Variants in FRMPD4 observed in about 807,000 individuals in gnomAD.
FRMPD4 encodes the protein FERM and PDZ domain-containing protein 4.
A neutral mutation model predicts 94.1 loss-of-function variants in FRMPD4; 22 were observed. The observed-to-expected ratio is 0.23, with a 90% CI of 0.17 to 0.33. The LOEUF (loss-of-function observed/expected upper bound fraction) is 0.33, where lower values mean the gene tolerates loss of function less well. FRMPD4 is among the 10% of genes least tolerant of loss of function. The probability of loss-of-function intolerance (pLI) is 1.00; values close to 1 mark genes in which losing one functional copy is unlikely to be tolerated. For missense variants in FRMPD4, 1,111 were observed against 1,339.9 expected (o/e 0.83, Z 2.67); for synonymous variants, 631 against 548.6 (o/e 1.15, Z -2.10).
intron 1 of FRMPD4, among the ~76,000 whole-genome samples, chrX:12,185,324 C>T (rs758716227): frequency 9.0e-6 from 1 of 111,655 alleles, no homozygotes; most frequent in Non-Finnish European, 1.9e-5. Context: ...TTATTGACCA[C>T]GGGTGAACAA....
intron 4 of FRMPD4, among the ~76,000 whole-genome samples, chrX:12,615,644 A>G: frequency 9.0e-6 from 1 of 111,082 alleles, no homozygotes; most frequent in East Asian, 2.8e-4. Context: ...GAATAAGGAG[A>G]CATGACATTT....
At chrX:11,950,769 A>T (rs1056369240) in intron 3 of FRMPD4, among the ~76,000 whole-genome samples, 53 of 111,629 alleles carry the variant, frequency 4.7e-4, no homozygotes, top group African/African-American at 1.7e-3. Flanking sequence ...TATTATTAAA[A>T]AGTCAAGGCT....
At chrX:12,429,839 G>T (rs1162580745) in intron 1 of FRMPD4, among the ~76,000 whole-genome samples, 1 of 111,946 alleles carries the variant, frequency 8.9e-6, no homozygotes, top group Non-Finnish European at 1.9e-5. Flanking sequence ...TCATGAATGA[G>T]ATTAAGGCCC....
chrX:12,325,997 A>G (rs775876585), intron 1 of FRMPD4, among the ~76,000 whole-genome samples: 11 of 112,202 alleles, frequency 9.8e-5, no homozygotes, highest in South Asian at 3.7e-4. Flanking sequence ...TGGCCCACCA[A>G]TAATTTTCAC....
intron 1 of FRMPD4, among the ~76,000 whole-genome samples, chrX:12,490,173 C>G (rs1266802449): frequency 9.0e-6 from 1 of 110,959 alleles, no homozygotes; most frequent in Admixed American, 9.6e-5. Flanking sequence ...GACCATGGAA[C>G]CTTGCAAAAT....
chrX:12,265,559 A>T (rs1489845669), intron 1 of FRMPD4, among the ~76,000 whole-genome samples: 1 of 111,767 alleles, frequency 8.9e-6, no homozygotes, highest in Non-Finnish European at 1.9e-5. Flanking sequence ...CCCTTGGGGA[A>T]ATTTTCTCAG....
chrX:12,175,935 T>G (rs6640927), intron 1 of FRMPD4, among the ~76,000 whole-genome samples: 8,581 of 111,330 alleles, frequency 0.077, 916 homozygotes, highest in East Asian at 0.61. Flanking sequence ...GAGGAGTATT[T>G]AAGAATACAG....
chrX:11,946,146 G>C (rs1015548048), intron 3 of FRMPD4, among the ~76,000 whole-genome samples: 1 of 111,992 alleles, frequency 8.9e-6, no homozygotes, highest in African/African-American at 3.2e-5. Flanking sequence ...AAACTCATTT[G>C]CCTTTAAGAC....
intron 1 of FRMPD4, among the ~76,000 whole-genome samples, chrX:12,346,163 G>A (rs1422791036): frequency 1.8e-5 from 2 of 110,086 alleles, no homozygotes; most frequent in Non-Finnish European, 3.8e-5. Flanking sequence ...CAAAGATATG[G>A]TATGTTGTTG....
chrX:12,053,438 AAGAAG>A (rs199656546), intron 3 of FRMPD4, among the ~76,000 whole-genome samples: 97 of 99,234 alleles, frequency 9.8e-4, no homozygotes, highest in African/African-American at 3.0e-3. Flanking sequence ...AAGAGAAAGA[AAGAAG>A]AGAAGAGAAG....
intron 2 of FRMPD4, among the ~76,000 whole-genome samples, chrX:12,584,776 G>A (rs760001488): frequency 4.5e-5 from 5 of 112,244 alleles, no homozygotes; most frequent in African/African-American, 6.5e-5. Flanking sequence ...GAAAAGGAAG[G>A]AAATTTTAGT....
intron 3 of FRMPD4, among the ~76,000 whole-genome samples, chrX:11,994,298 C>A (rs1473890740): frequency 9.0e-6 from 1 of 111,316 alleles, no homozygotes; most frequent in Non-Finnish European, 1.9e-5. Context: ...GATTTTATCA[C>A]AAAAGGTGAC....
intron 3 of FRMPD4, among the ~76,000 whole-genome samples, chrX:11,987,117 A>AC (rs2054434578): frequency 1.0e-5 from 1 of 95,842 alleles, no homozygotes; most frequent in African/African-American, 3.7e-5. Context: ...AAAAAAAAAA[A>AC]AAAAAAAAAA....
At chrX:12,393,704 T>C (rs2056506445) in intron 1 of FRMPD4, among the ~76,000 whole-genome samples, 1 of 112,415 alleles carries the variant, frequency 8.9e-6, no homozygotes, top group African/African-American at 3.2e-5. Context: ...GAAGACATTG[T>C]CTTTTGACCA....
chrX:11,845,685 T>C (rs2053571432), intron 1 of FRMPD4, among the ~76,000 whole-genome samples: 2 of 110,574 alleles, frequency 1.8e-5, no homozygotes, highest in African/African-American at 6.6e-5. Context: ...TCCACAATGA[T>C]CAAGTGGGCT....
chrX:12,691,255 GTTT>G (rs987837683), intron 8 of FRMPD4, among the ~76,000 whole-genome samples: 2 of 110,095 alleles, frequency 1.8e-5, no homozygotes, highest in Admixed American at 1.9e-4. Context: ...GTTTTTTGGG[GTTT>G]TTTTTGTTGT....
intron 1 of FRMPD4, among the ~76,000 whole-genome samples, chrX:12,191,457 A>T (rs765218504): frequency 8.9e-6 from 1 of 112,440 alleles, no homozygotes; most frequent in South Asian, 3.6e-4. Flanking sequence ...ATGTTTATAG[A>T]AACATTATTT....
At position 12,717,821 on chromosome X, in the gene FRMPD4, C is replaced by A. The variant is rs750104233; in HGVS notation, c.2995C>A (p.Pro999Thr). 3.4e-5 allele frequency: 41 copies of A among 1,208,852 alleles called. No individual in the cohort carries two copies. The highest frequency in any genetic ancestry group is 4.3e-5 in the Non-Finnish European group (38 of 893,717). ...TCACTCAGACCACATGGAGATGGAG[C>A]CTGAAACTATGGAGACTAAGTCGGT... ...LLHSDHMEME[P>T]ETMETKSVTD... is the part of the protein sequence containing the mutation. Residue 999 changes from proline (P) to threonine (T), a missense_variant, in exon 16 of 17, where the codon CCT (proline) becomes ACT (threonine). Physicochemically the swap from Pro to Thr is conservative, Grantham distance 38. Transcript: ENST00000675598.
chrX:11,923,724 C>A (rs2147346684), intron 3 of FRMPD4, among the ~76,000 whole-genome samples: 1 of 112,353 alleles, frequency 8.9e-6, no homozygotes, highest in East Asian at 2.8e-4. Context: ...CATCTTATAC[C>A]ACAAACCCTC....
Sources: gnomAD v4.1 joint callset for allele counts (sites outside exome capture counted in the v4.1 genomes callset) on GRCh38, gnomAD v4.1.1 for gene constraint, MANE v1.5 for transcripts, NCBI Gene and HGNC (gene_info 2026-07-23, HGNC 2026-07-21) for gene names.